Variants in MARCHF8 observed in about 807,000 individuals in gnomAD.
MARCHF8 encodes the protein E3 ubiquitin-protein ligase MARCHF8.
Under a neutral mutation model 51.6 loss-of-function variants are expected in MARCHF8, and 40 were observed. The observed-to-expected ratio is 0.77, with a 90% confidence interval of 0.60 to 1.01. MARCHF8 has a LOEUF of 1.01. MARCHF8 is among the 50% of genes least tolerant of loss of function. The pLI, the probability that MARCHF8 is intolerant of heterozygous loss-of-function variation, is 0.00. For missense variants in MARCHF8, 685 were observed against 708.6 expected, an observed-to-expected ratio of 0.97 and a Z score of 0.38; for synonymous variants, 263 against 280.3, an observed-to-expected ratio of 0.94 and a Z score of 0.62.
intron 5 of MARCHF8, among the ~76,000 whole-genome samples, chr10:45,462,612 C>CTT (rs966206017): frequency 2.6e-4 from 37 of 143,298 alleles, no homozygotes; most frequent in African/African-American, 7.6e-4. Context: ...GCTTCTTCCT[C>CTT]TTTTTTTTTT....
chr10:45,474,313 C>G (rs2042747866), intron 3 of MARCHF8, among the ~76,000 whole-genome samples: 1 of 152,158 alleles, frequency 6.6e-6, no homozygotes, highest in African/African-American at 2.4e-5. Flanking sequence ...TCACCTGAGT[C>G]CACCCTGAGG....
intron 3 of MARCHF8, among the ~76,000 whole-genome samples, chr10:45,487,136 T>C (rs935713029): frequency 1.3e-5 from 2 of 152,244 alleles, no homozygotes; most frequent in East Asian, 3.9e-4. Context: ...GATAACTAAA[T>C]TAAAGCTCAG....
At chr10:45,502,292 A>G (rs2043295557) in intron 2 of MARCHF8, among the ~76,000 whole-genome samples, 1 of 152,228 alleles carries the variant, frequency 6.6e-6, no homozygotes, top group African/African-American at 2.4e-5. Context: ...ATTGATAAAC[A>G]CAAACCTGGA....
At chr10:45,512,401 G>A (rs970381510) in intron 2 of MARCHF8, among the ~76,000 whole-genome samples, 1 of 150,214 alleles carries the variant, frequency 6.7e-6, no homozygotes, top group African/African-American at 2.5e-5. Context: ...GAGGTCGGGG[G>A]GTCAGCCCCC....
chr10:45,523,241 A>G (rs1049477024), intron 2 of MARCHF8, among the ~76,000 whole-genome samples: 25 of 152,218 alleles, frequency 1.6e-4, no homozygotes, highest in Non-Finnish European at 2.8e-4. Flanking sequence ...AAAATAAATT[A>G]GGGGCCCAAT....
chr10:45,544,167 C>A (rs2044091837), intron 1 of MARCHF8, among the ~76,000 whole-genome samples: 1 of 152,162 alleles, frequency 6.6e-6, no homozygotes, highest in Admixed American at 6.5e-5. Flanking sequence ...TATACCCCCA[C>A]TAGAATGGCT....
chr10:45,520,992 T>C, intron 2 of MARCHF8, among the ~76,000 whole-genome samples: 1 of 152,216 alleles, frequency 6.6e-6, no homozygotes, highest in East Asian at 1.9e-4. Flanking sequence ...TCTAGTTAAT[T>C]ACCCATCGTA....
At chr10:45,461,152 T>C in intron 6 of MARCHF8, 79 bp downstream of exon 6, 3 of 1,134,984 alleles carry the variant, frequency 2.6e-6, no homozygotes, top group East Asian at 2.8e-5. Context: ...AGGCAAGCCA[T>C]GACCTCATGA....
At position 45,463,392 on chromosome 10, in the gene MARCHF8, A is replaced by G. The variant is rs929504096; in HGVS notation, c.847T>C (p.Cys283Arg). The G allele has an allele frequency of 5.2e-6, 8 of 1,550,564 alleles. No individual in the cohort carries two copies. In the African/African-American group the frequency reaches 9.6e-5, roughly 19 times the overall value. The change falls in exon 5 of 8, where the codon TGC (cysteine) becomes CGC (arginine). Residue 283 changes from cysteine (C) to arginine (R), a missense_variant. Physicochemically the swap from Cys to Arg is radical, Grantham distance 180. Transcript: ENST00000453424. Reference protein sequence around the residue: ...SLHRFHELESCAARLHTAKSS... With the variant: ...SLHRFHELESRAARLHTAKSS... Reference sequence around the variant, plus strand: ...TTGGCAGTGTGCAGGCGAGCAGCGCAGCTCTCCAGCTCATGGAACCTGTGC... The same window carrying G: ...TTGGCAGTGTGCAGGCGAGCAGCGCGGCTCTCCAGCTCATGGAACCTGTGC...
chr10:45,478,002 C>G (rs908308410), intron 3 of MARCHF8, among the ~76,000 whole-genome samples: 1 of 152,152 alleles, frequency 6.6e-6, no homozygotes, highest in Non-Finnish European at 1.5e-5. Context: ...CATCGTTAGA[C>G]AGATCATCTA....
intron 1 of MARCHF8, among the ~76,000 whole-genome samples, chr10:45,574,864 T>G (rs2044471572): frequency 6.6e-6 from 1 of 151,294 alleles, no homozygotes; most frequent in Non-Finnish European, 1.5e-5. Context: ...CCAAACTCAT[T>G]GCCTTAACTT....
chr10:45,506,243 C>T (rs1454161400), intron 2 of MARCHF8, among the ~76,000 whole-genome samples: 1 of 152,008 alleles, frequency 6.6e-6, no homozygotes, highest in Non-Finnish European at 1.5e-5. Flanking sequence ...ATAAAAAAAG[C>T]AAATCTTTGG....
At chr10:45,487,320 T>G (rs2042999137) in intron 3 of MARCHF8, among the ~76,000 whole-genome samples, 1 of 152,218 alleles carries the variant, frequency 6.6e-6, no homozygotes, top group Non-Finnish European at 1.5e-5. Flanking sequence ...AGAAGTTTCC[T>G]TTAAATAAAA....
chr10:45,492,458 C>T (rs763432708), intron 2 of MARCHF8, among the ~76,000 whole-genome samples: 8 of 152,074 alleles, frequency 5.3e-5, no homozygotes, highest in African/African-American at 9.7e-5. Context: ...CCACCATGTC[C>T]GGCTCAGTTT....
intron 1 of MARCHF8, among the ~76,000 whole-genome samples, chr10:45,578,483 G>C (rs2044514636): frequency 6.6e-6 from 1 of 152,176 alleles, no homozygotes; most frequent in Non-Finnish European, 1.5e-5. Context: ...AGGGAGGAGG[G>C]AAAGGTCTTC....
At chr10:45,568,752 T>C (rs1589185256) in intron 1 of MARCHF8, among the ~76,000 whole-genome samples, 1 of 130,842 alleles carries the variant, frequency 7.6e-6, no homozygotes, top group Non-Finnish European at 1.6e-5. Flanking sequence ...CTAACACTAA[T>C]GATAGCTGGT....
rs750175616 is a variant in MARCHF8 at position 45,487,001 on chromosome 10, G to C, written c.153+2366C>G. On this transcript the variant is annotated intron_variant, in intron 3 of 7. Coordinates refer to ENST00000453424, the MANE Select transcript of MARCHF8 (RefSeq NM_001282866.2). ...TTTTTTTGGAATTTTAGTAAAGATG[G>C]GGTTTCATCATGTTGGCCAGGCTGG... Among the ~76,000 whole-genome samples the C allele has an allele frequency of 3.3e-5, 5 of 150,698 alleles. No homozygotes were observed. In the South Asian group the frequency reaches 1.1e-3, roughly 32 times the overall value.
rs139376736 is a variant in MARCHF8 at position 45,458,478 on chromosome 10, G to C, written c.1483C>G (p.Leu495Val). 6.2e-6 allele frequency: 10 copies of C among 1,612,968 alleles called. No individual in the cohort carries two copies. In the African/African-American group the frequency reaches 1.3e-4, roughly 22 times the overall value. ...VVAIGFTGGL[L>V]FMYVQCKVYV... ...ACTTTACACTGAACATACATAAAAA[G>C]AAGTCCTCCGGTGAAGCCGATGGCC... The change falls in exon 8 of 8, where the codon CTT becomes GTT. Residue 495 changes from leucine to valine, a missense_variant. By Grantham distance (32) the Leu-to-Val change is conservative. Transcript: ENST00000453424.
At chr10:45,562,796 A>G (rs1358671743) in intron 1 of MARCHF8, among the ~76,000 whole-genome samples, 4 of 152,194 alleles carry the variant, frequency 2.6e-5, no homozygotes, top group Admixed American at 6.5e-5. Flanking sequence ...AAATAATAAT[A>G]ATTAGCAACA....
Sources: allele counts gnomAD v4.1 joint callset (sites outside exome capture counted in the v4.1 genomes callset), GRCh38; gene constraint gnomAD v4.1.1; transcripts MANE v1.5; gene names NCBI Gene and HGNC (gene_info 2026-07-23, HGNC 2026-07-21).